Variants in BOLL observed in about 807,000 individuals in gnomAD.
The protein encoded by BOLL is boule RNA binding protein, also known as protein boule-like.
A neutral mutation model predicts 44.4 loss-of-function variants in BOLL; 23 were observed. That is an observed-to-expected ratio of 0.52 (90% CI 0.37 to 0.73). BOLL has a LOEUF of 0.73. BOLL is among the 30% of genes least tolerant of loss of function. The pLI is 0.00. For missense variants in BOLL, 287 were observed against 338.3 expected (o/e 0.85, Z 1.19); for synonymous variants, 97 against 110.8 (o/e 0.88, Z 0.78).
At chr2:197,774,662 A>G (rs1689426788) in intron 5 of BOLL, 1 of 151,954 alleles carries the variant, frequency 6.6e-6, no homozygotes, top group Non-Finnish European at 1.5e-5. Context: ...GACCGTTACT[A>G]TATGTTCTAG....
intron 9 of BOLL, among the ~76,000 whole-genome samples, chr2:197,745,799 C>T (rs1398991414): frequency 1.3e-5 from 2 of 152,272 alleles, no homozygotes; most frequent in South Asian, 2.1e-4. Context: ...GAAAGGATGA[C>T]GATTTCCCAA....
chr2:197,776,391 C>A lies in BOLL; in HGVS notation c.277-651G>T, dbSNP rs373175766. ...AACCAGTAATCTGTTATATATGATG[C>A]CTTTAAATGGAAAACCATATAAAAC... On this transcript the variant is annotated intron_variant, in intron 4 of 10. Coordinates refer to ENST00000392296, the MANE Select transcript of BOLL (RefSeq NM_033030.6). Among the ~76,000 whole-genome samples, 17 of 151,926 alleles carry A rather than the reference C, an allele frequency of 1.1e-4. No individual in the cohort carries two copies. The East Asian group carries it at 1.7e-3, about 16-fold the overall frequency.
At chr2:197,785,335 G>T, upstream of BOLL, 1 of 985,846 alleles carries the variant, frequency 1.0e-6, no homozygotes, top group African/African-American at 1.7e-5. The surrounding 1 kb of genome is among the most constrained non-coding windows in gnomAD (Gnocchi z 6.7). Context: ...CCACCCTCGC[G>T]CGGCGCTCCC....
chr2:197,757,468 C>T (rs565318568), intron 7 of BOLL, 68 bp from the exon 8 acceptor site: 4 of 1,399,520 alleles, frequency 2.9e-6, no homozygotes, highest in Admixed American at 4.0e-5. Flanking sequence ...TAGATATCTA[C>T]AGGCAAAAAT....
At chr2:197,731,728 A>G (rs1228147259) in intron 10 of BOLL, among the ~76,000 whole-genome samples, 6 of 152,058 alleles carry the variant, frequency 3.9e-5, no homozygotes, top group South Asian at 2.1e-4. Flanking sequence ...GGTACATAAC[A>G]AAATGAAGGC....
chr2:197,729,272 C>T lies in BOLL; in HGVS notation c.829-694G>A, dbSNP rs1441115066. Among the ~76,000 whole-genome samples the T allele has an allele frequency of 2.0e-5, 3 of 152,212 alleles. No homozygotes were observed. The East Asian group carries it at 5.8e-4, about 29-fold the overall frequency. Reference sequence around the variant, plus strand: ...CTTTTCCGACGGGCTTAAAAAACGGCGCACCACGAGATTATATCTCGCACC... The same window carrying T: ...CTTTTCCGACGGGCTTAAAAAACGGTGCACCACGAGATTATATCTCGCACC... On this transcript the variant is annotated intron_variant, in intron 10 of 10. Coordinates refer to ENST00000392296, the MANE Select transcript of BOLL (RefSeq NM_033030.6).
chr2:197,749,997 A>G (rs1688162777), intron 9 of BOLL, among the ~76,000 whole-genome samples: 1 of 152,186 alleles, frequency 6.6e-6, no homozygotes, highest in African/African-American at 2.4e-5. Flanking sequence ...AATATTCAAC[A>G]TTCTTAAAGA....
intron 9 of BOLL, among the ~76,000 whole-genome samples, chr2:197,749,159 G>A (rs928039772): frequency 2.2e-4 from 33 of 152,140 alleles, no homozygotes; most frequent in African/African-American, 7.7e-4. Flanking sequence ...ACTCTTAGAA[G>A]GAAAACTAAC....
At chr2:197,748,675 G>T (rs1688097860) in intron 9 of BOLL, among the ~76,000 whole-genome samples, 1 of 152,234 alleles carries the variant, frequency 6.6e-6, no homozygotes, top group Admixed American at 6.5e-5. Flanking sequence ...TAGCCAGACT[G>T]CCTTTCTAGA....
At chr2:197,764,657 A>C (rs1315549693) in intron 7 of BOLL, among the ~76,000 whole-genome samples, 1 of 152,116 alleles carries the variant, frequency 6.6e-6, no homozygotes, top group African/African-American at 2.4e-5. Context: ...TGCTGAATTT[A>C]CTTGTATTCC....
intron 5 of BOLL, among the ~76,000 whole-genome samples, chr2:197,772,264 C>T: frequency 6.6e-6 from 1 of 151,920 alleles, no homozygotes; most frequent in East Asian, 1.9e-4. Context: ...ATTCCAACAC[C>T]AGTATGCTAC....
intron 7 of BOLL, among the ~76,000 whole-genome samples, chr2:197,763,282 A>C (rs1463750406): frequency 6.6e-6 from 1 of 152,130 alleles, no homozygotes; most frequent in Non-Finnish European, 1.5e-5. Context: ...GGAGATCGAG[A>C]CCATCCTGGC....
intron 10 of BOLL, among the ~76,000 whole-genome samples, chr2:197,731,300 C>A (rs1687164683): frequency 6.7e-6 from 1 of 149,524 alleles, no homozygotes; most frequent in Non-Finnish European, 1.5e-5. Flanking sequence ...ACAGGAGCAC[C>A]AAGATTCATA....
intron 7 of BOLL, among the ~76,000 whole-genome samples, chr2:197,760,742 T>C (rs932520969): frequency 2.6e-5 from 4 of 151,954 alleles, no homozygotes; most frequent in Admixed American, 2.0e-4. Flanking sequence ...AGCAGATAGG[T>C]TGAATCTAGC....
rs1052871693 is a variant in BOLL at position 197,754,692 on chromosome 2, C to T, written c.729+1736G>A. ...CCACACCATTGCACTCTAGCCTGGG[C>T]GATGGAGCAAGACTCCGTCTCAAAA... On this transcript the variant is annotated intron_variant, in intron 9 of 10. Transcript: ENST00000392296. Among the ~76,000 whole-genome samples the T allele has an allele frequency of 2.6e-5, 4 of 151,558 alleles. No individual in the cohort carries two copies. In the South Asian group the frequency reaches 6.3e-4, roughly 24 times the overall value.
chr2:197,784,946 A>G (rs973463879), intron 1 of BOLL, 110 bp downstream of exon 1: 2 of 985,986 alleles, frequency 2.0e-6, no homozygotes, highest in Non-Finnish European at 2.4e-6. Context: ...AGAGTTTATT[A>G]AACTACTCCT....
chr2:197,754,525 C>T (rs192571284), intron 9 of BOLL, among the ~76,000 whole-genome samples: 4 of 152,052 alleles, frequency 2.6e-5, no homozygotes, highest in East Asian at 1.9e-4. Context: ...CTGGCCAACA[C>T]GGTGAAACCC....
At chr2:197,748,781 T>C (rs1382910497) in intron 9 of BOLL, among the ~76,000 whole-genome samples, 2 of 152,276 alleles carry the variant, frequency 1.3e-5, no homozygotes, top group Non-Finnish European at 2.9e-5. Context: ...ACAAAACACC[T>C]GGGGGAAGGG....
intron 9 of BOLL, 47 bp from the exon 10 acceptor site, chr2:197,743,206 T>C (rs1687839004): frequency 4.3e-6 from 6 of 1,385,820 alleles, no homozygotes; most frequent in Admixed American, 2.2e-5. Context: ...ATCTATTAAT[T>C]CTAAATATTT....
Sources: allele counts gnomAD v4.1 joint callset (sites outside exome capture counted in the v4.1 genomes callset), GRCh38; gene constraint gnomAD v4.1.1; non-coding constraint Gnocchi (gnomAD v3.1); transcripts MANE v1.5; gene names NCBI Gene and HGNC (gene_info 2026-07-23, HGNC 2026-07-21).